STX8: variants seen among roughly 807,000 people sequenced by gnomAD.
STX8 encodes syntaxin 8.
A neutral mutation model predicts 37.5 loss-of-function variants in STX8; 23 were observed. The observed-to-expected ratio is 0.61, with a 90% CI of 0.44 to 0.87. STX8 has a LOEUF of 0.87. STX8 is among the 40% of genes least tolerant of loss of function. The pLI, the probability that STX8 is intolerant of heterozygous loss-of-function variation, is 0.00. For missense variants in STX8, 313 were observed against 284.7 expected (o/e 1.10, Z -0.71); for synonymous variants, 115 against 99.1 (o/e 1.16, Z -0.95).
intron 7 of STX8, among the ~76,000 whole-genome samples, chr17:9,288,189 A>T (rs1415125204): frequency 1.3e-5 from 2 of 151,676 alleles, no homozygotes; most frequent in East Asian, 3.8e-4. Context: ...CCCTGAAAAA[A>T]AAAAAAACAG....
intron 4 of STX8, among the ~76,000 whole-genome samples, chr17:9,510,637 T>C (rs1904994039): frequency 6.6e-6 from 1 of 152,082 alleles, no homozygotes; most frequent in Non-Finnish European, 1.5e-5. Context: ...ATGAGGCAAG[T>C]GTATAACAAT....
chr17:9,502,960 G>T (rs983302330), intron 5 of STX8, among the ~76,000 whole-genome samples: 1 of 151,866 alleles, frequency 6.6e-6, no homozygotes, highest in African/African-American at 2.4e-5. Context: ...AAAAAAATTA[G>T]CTGGGCATGA....
At chr17:9,375,944 T>G (rs1911566392) in intron 7 of STX8, among the ~76,000 whole-genome samples, 1 of 152,124 alleles carries the variant, frequency 6.6e-6, no homozygotes, top group South Asian at 2.1e-4. Flanking sequence ...ACTCTCATGA[T>G]ATCTATGCTC....
At chr17:9,485,137 A>AATAACG (rs4063147) in intron 6 of STX8, among the ~76,000 whole-genome samples, 1 of 151,946 alleles carries the variant, frequency 6.6e-6, no homozygotes, top group Non-Finnish European at 1.5e-5. Context: ...AAAAAAAATT[A>AATAACG]TAATAAGATC....
intron 7 of STX8, among the ~76,000 whole-genome samples, chr17:9,280,281 C>T (rs776317467): frequency 1.3e-5 from 2 of 152,152 alleles, no homozygotes; most frequent in Non-Finnish European, 2.9e-5. Context: ...GATGAACGGC[C>T]GGGCACAGTG....
At chr17:9,275,441 C>T (rs1382836311) in intron 7 of STX8, among the ~76,000 whole-genome samples, 1 of 152,174 alleles carries the variant, frequency 6.6e-6, no homozygotes, top group African/African-American at 2.4e-5. Flanking sequence ...CCCACCCTTA[C>T]CTATTTACAT....
rs1555526715 is a variant in STX8, at chr17:9,430,163, A to ATATAATATATATATAAATAAAATATAAAT, written c.542-51511_542-51510insATTTATATTTTATTTATATATATATTATA. Among the ~76,000 whole-genome samples the ATATAATATATATATAAATAAAATATAAAT allele has an allele frequency of 1.9e-5, 2 of 107,462 alleles. 1 individual carries two copies. Among genetic ancestry groups the ATATAATATATATATAAATAAAATATAAAT allele is most frequent in the Admixed American group, 2.8e-4 (2 of 7,032 alleles). The allele number at this position is 107,462 out of a possible 152,430, so 70.5% of individuals were successfully genotyped here. On this transcript the variant is annotated intron_variant, in intron 6 of 7. Coordinates refer to ENST00000306357, the MANE Select transcript of STX8 (RefSeq NM_004853.3). ...ATATAATTTATATATAAAATATAAA[A>ATATAATATATATATAAATAAAATATAAAT]TATATATAATTTATATATAAATAAA...
chr17:9,255,327 G>C (rs1030126815), intron 7 of STX8, among the ~76,000 whole-genome samples: 1 of 152,046 alleles, frequency 6.6e-6, no homozygotes, highest in Non-Finnish European at 1.5e-5. Context: ...AGGAGTTTGA[G>C]ACCAGCCTGG....
intron 7 of STX8, among the ~76,000 whole-genome samples, chr17:9,305,848 G>C (rs111648273): frequency 6.8e-6 from 1 of 147,662 alleles, no homozygotes; most frequent in African/African-American, 2.6e-5. Flanking sequence ...AGGTTCAAGC[G>C]ATTCTCCTGC....
At chr17:9,330,613 G>A (rs112847832) in intron 7 of STX8, among the ~76,000 whole-genome samples, 45 of 152,316 alleles carry the variant, frequency 3.0e-4, no homozygotes, top group African/African-American at 9.6e-4. Context: ...AGGAATGCCC[G>A]TGCACTGGCT....
At chr17:9,562,078 A>G (rs1446342866) in intron 2 of STX8, among the ~76,000 whole-genome samples, 1 of 148,766 alleles carries the variant, frequency 6.7e-6, no homozygotes, top group Admixed American at 7.0e-5. Context: ...ATATGGAAGC[A>G]ATTAGATTGA....
At chr17:9,261,740 G>A (rs1907047898) in intron 7 of STX8, among the ~76,000 whole-genome samples, 1 of 152,090 alleles carries the variant, frequency 6.6e-6, no homozygotes, top group African/African-American at 2.4e-5. Context: ...AGAGCAGCAG[G>A]TTAGGAGTTG....
chr17:9,254,208 C>T (rs1330712514), intron 7 of STX8, among the ~76,000 whole-genome samples: 1 of 152,156 alleles, frequency 6.6e-6, no homozygotes, highest in African/African-American at 2.4e-5. Context: ...TCTCCGGTGC[C>T]CCCAACAGGC....
rs189359527 is a variant in STX8 at position 9,378,695 on chromosome 17, C to T, written c.542-42G>A. On this transcript the variant is annotated intron_variant, in intron 6 of 7. Coordinates refer to ENST00000306357, the MANE Select transcript of STX8 (RefSeq NM_004853.3). The stretch of plus-strand genomic sequence containing the variant: ...CATGATTACTATTCCTGAAATACCC[C>T]GGTTCACATCACAGTATCACAGCTG... 349 of 1,426,182 alleles carry T rather than the reference C, an allele frequency of 2.4e-4. 3 individuals are homozygous for T. The East Asian group carries it at 5.3e-3, about 22-fold the overall frequency. The allele number at this position is 1,426,182 out of a possible 1,614,324, so 88.3% of individuals were successfully genotyped here.
intron 4 of STX8, among the ~76,000 whole-genome samples, chr17:9,510,846 A>G (rs1269850540): frequency 6.6e-6 from 1 of 152,044 alleles, no homozygotes; most frequent in East Asian, 1.9e-4. Flanking sequence ...GTGTAAAGAT[A>G]AAATTGAGAT....
intron 7 of STX8, among the ~76,000 whole-genome samples, chr17:9,344,283 TAG>T (rs1910461500): frequency 6.7e-6 from 1 of 148,928 alleles, no homozygotes; most frequent in Non-Finnish European, 1.5e-5. Context: ...TTTTTTGAGA[TAG>T]AGTCTCGCTC....
chr17:9,432,484 T>G (rs1359806990), intron 6 of STX8, among the ~76,000 whole-genome samples: 1 of 143,726 alleles, frequency 7.0e-6, no homozygotes, highest in Non-Finnish European at 1.5e-5. Flanking sequence ...TTTCCAAACC[T>G]TCCATCTAAA....
At chr17:9,272,639 C>A (rs1907509989) in intron 7 of STX8, among the ~76,000 whole-genome samples, 1 of 152,250 alleles carries the variant, frequency 6.6e-6, no homozygotes, top group South Asian at 2.1e-4. Context: ...GACAACCTCT[C>A]CATTGCTGGC....
chr17:9,575,081 C>A (rs1277135964), intron 1 of STX8, among the ~76,000 whole-genome samples: 4 of 152,194 alleles, frequency 2.6e-5, no homozygotes, highest in Admixed American at 6.5e-5. Context: ...AATAACAATA[C>A]GTTCCTTGGG....
Sources: allele counts gnomAD v4.1 joint callset (sites outside exome capture counted in the v4.1 genomes callset), GRCh38; gene constraint gnomAD v4.1.1; transcripts MANE v1.5; gene names NCBI Gene and HGNC (gene_info 2026-07-23, HGNC 2026-07-21).